Variants in HSDL2 observed in about 807,000 individuals in gnomAD.
HSDL2 encodes the protein hydroxysteroid dehydrogenase-like protein 2.
HSDL2 carries 27 observed loss-of-function variants against 46.3 expected under a neutral mutation model. The ratio of observed to expected loss-of-function variants is 0.58; its 90% CI spans 0.43 to 0.80. The LOEUF (loss-of-function observed/expected upper bound fraction) is 0.80. HSDL2 is among the 30% of genes least tolerant of loss of function. The probability of loss-of-function intolerance (pLI) is 0.00; values close to 1 mark genes in which losing one functional copy is unlikely to be tolerated. For synonymous variants in HSDL2, 153 were observed against 163.6 expected, an observed-to-expected ratio of 0.94 and a Z score of 0.50; for missense variants, 451 against 502.7, an observed-to-expected ratio of 0.90 and a Z score of 0.98.
chr9:112,424,882 A>C (rs72760161), intron 6 of HSDL2, among the ~76,000 whole-genome samples: 1 of 151,936 alleles, frequency 6.6e-6, no homozygotes, highest in Non-Finnish European at 1.5e-5. Flanking sequence ...TTTATTACAA[A>C]TATACTAGTA....
At chr9:112,443,328 A>G (rs1564126377) in intron 8 of HSDL2, among the ~76,000 whole-genome samples, 2 of 152,328 alleles carry the variant, frequency 1.3e-5, no homozygotes, top group East Asian at 1.9e-4. Flanking sequence ...TAAGTACTTT[A>G]CATGCATTGT....
intron 10 of HSDL2, among the ~76,000 whole-genome samples, chr9:112,462,599 GATGTGTGT>G (rs1833244163): frequency 9.1e-6 from 1 of 109,382 alleles, no homozygotes; most frequent in South Asian, 3.4e-4. Flanking sequence ...TGAGGAGGGG[GATGTGTGT>G]GTGTGTGTGT....
chr9:112,385,208 A>T (rs1047621492), intron 1 of HSDL2, among the ~76,000 whole-genome samples: 10 of 152,072 alleles, frequency 6.6e-5, no homozygotes, highest in Non-Finnish European at 1.0e-4. Context: ...AGAGTGTTTT[A>T]TATATATATA....
chr9:112,469,082 G>A (rs993294488), intron 10 of HSDL2, among the ~76,000 whole-genome samples: 2 of 152,010 alleles, frequency 1.3e-5, no homozygotes, highest in Non-Finnish European at 2.9e-5. Context: ...TAAGTATTGG[G>A]ATTTTAACAT....
Position 112,470,582 on chromosome 9 carries a change from A to G in HSDL2, c.*38A>G, listed in dbSNP as rs1191193018. 2.7e-6 allele frequency: 3 copies of G among 1,110,042 alleles called. No individual in the cohort carries two copies. Among genetic ancestry groups the G allele is most frequent in the South Asian group, 2.8e-5 (2 of 70,500 alleles). The allele number at this position is 1,110,042 out of a possible 1,614,324, so 68.8% of individuals were successfully genotyped here. ...AAAAAAAGTCGACTGCTATGCTCAA[A>G]AAGTAAAAAAAGCTCAACAGTTAAA... On this transcript the variant is annotated 3_prime_UTR_variant, in exon 11 of 11. Transcript: ENST00000398805.
At chr9:112,381,126 C>A (rs1831084325) in intron 1 of HSDL2, among the ~76,000 whole-genome samples, 1 of 146,070 alleles carries the variant, frequency 6.8e-6, no homozygotes, top group African/African-American at 2.5e-5. Context: ...CATACCCTTT[C>A]TTAAAAATAG....
chr9:112,430,356 C>T (rs1048140134), intron 6 of HSDL2, among the ~76,000 whole-genome samples: 11 of 152,036 alleles, frequency 7.2e-5, no homozygotes, highest in African/African-American at 2.4e-4. Context: ...AGACCAGTGT[C>T]GCCAGAGTGA....
At chr9:112,448,020 C>T (rs984174790) in intron 8 of HSDL2, among the ~76,000 whole-genome samples, 11 of 152,072 alleles carry the variant, frequency 7.2e-5, no homozygotes, top group Admixed American at 2.6e-4. Flanking sequence ...ATCCGGTGCC[C>T]GCCACTTATA....
At chr9:112,416,658 C>T (rs902745844) in intron 4 of HSDL2, among the ~76,000 whole-genome samples, 183 bp from the exon 5 acceptor site, 3 of 149,594 alleles carry the variant, frequency 2.0e-5, no homozygotes, top group South Asian at 2.1e-4. Context: ...TCCAGCTACT[C>T]GGAAAACTGA....
At chr9:112,457,184 G>A (rs1439207450) in intron 9 of HSDL2, among the ~76,000 whole-genome samples, 1 of 151,886 alleles carries the variant, frequency 6.6e-6, no homozygotes, top group African/African-American at 2.4e-5. Context: ...GAAATCAAGC[G>A]CTTTCTGCTC....
intron 10 of HSDL2, chr9:112,469,865 G>A (rs931616130): frequency 6.6e-6 from 1 of 152,090 alleles, no homozygotes. Flanking sequence ...GATAACAAAT[G>A]TACTTCTCTC....
intron 2 of HSDL2, 30 bp from the exon 3 acceptor site, chr9:112,405,594 C>T (rs200912643): frequency 5.0e-5 from 73 of 1,463,082 alleles, no homozygotes; most frequent in African/African-American, 4.5e-4. Flanking sequence ...AATGCTTTAA[C>T]GCTTTTTCAT....
chr9:112,403,646 C>T (rs1312467071), intron 1 of HSDL2, among the ~76,000 whole-genome samples: 1 of 136,900 alleles, frequency 7.3e-6, no homozygotes. Context: ...TCCCACCACT[C>T]AAAAAAAAAA....
chr9:112,465,317 C>T (rs1213385397), intron 10 of HSDL2, among the ~76,000 whole-genome samples: 1 of 152,094 alleles, frequency 6.6e-6, no homozygotes, highest in African/African-American at 2.4e-5. Flanking sequence ...TTAGTAGAGA[C>T]AGAATTTCAC....
chr9:112,381,859 TC>T (rs1465595484), intron 1 of HSDL2, among the ~76,000 whole-genome samples: 4 of 152,226 alleles, frequency 2.6e-5, no homozygotes, highest in Non-Finnish European at 5.9e-5. Context: ...TTTTTTTGCT[TC>T]CATAATTATA....
chr9:112,404,044 G>T lies in HSDL2; in HGVS notation c.67G>T (p.Gly23Cys). 6.2e-7 allele frequency: 1 copy of T among 1,614,094 alleles called. No homozygotes were observed. Among genetic ancestry groups the T allele is most frequent in the Non-Finnish European group, 8.5e-7 (1 of 1,179,954 alleles). ...TATCACAGGTGCAAGCCGTGGCATT[G>T]GCAAAGCTATTGCATTGAAAGCAGC... ...VFITGASRGI[G>C]KAIALKAAKD... Residue 23 changes from glycine (G) to cysteine (C), a missense_variant, in exon 2 of 11, where the codon GGC (glycine) becomes TGC (cysteine). Coordinates refer to ENST00000398805, the MANE Select transcript of HSDL2 (RefSeq NM_032303.5).
At chr9:112,415,119 T>A (rs1437718370) in intron 4 of HSDL2, among the ~76,000 whole-genome samples, 3 of 152,190 alleles carry the variant, frequency 2.0e-5, no homozygotes, top group Non-Finnish European at 4.4e-5. Flanking sequence ...AAATATTGAA[T>A]CTGAATCTTA....
At chr9:112,408,104 C>T (rs771151979) in intron 3 of HSDL2, among the ~76,000 whole-genome samples, 4 of 152,144 alleles carry the variant, frequency 2.6e-5, no homozygotes, top group Non-Finnish European at 5.9e-5. Flanking sequence ...AACAGTAGGT[C>T]TTTCTCTTTT....
intron 8 of HSDL2, among the ~76,000 whole-genome samples, chr9:112,452,619 C>G (rs1170584836): frequency 6.6e-6 from 1 of 152,154 alleles, no homozygotes; most frequent in East Asian, 1.9e-4. Context: ...CGGTGGTGGG[C>G]ACCTGTAGTC....
Sources: gnomAD v4.1 joint callset for allele counts (sites outside exome capture counted in the v4.1 genomes callset) on GRCh38, gnomAD v4.1.1 for gene constraint, MANE v1.5 for transcripts, NCBI Gene and HGNC (gene_info 2026-07-23, HGNC 2026-07-21) for gene names.